The following RRM2 variants were observed in gnomAD, a reference collection of about 807,000 sequenced individuals.
RRM2 encodes the protein ribonucleotide reductase regulatory subunit M2.
A neutral mutation model predicts 45.9 loss-of-function variants in RRM2; 6 were observed. The ratio of observed to expected loss-of-function variants is 0.13; its 90% CI spans 0.07 to 0.26. The LOEUF (loss-of-function observed/expected upper bound fraction) is 0.26, where lower values mean the gene tolerates loss of function less well. RRM2 is among the 10% of genes least tolerant of loss of function. RRM2 has a pLI of 1.00. For missense variants in RRM2, 343 were observed against 489.5 expected (o/e 0.70, Z 2.82); for synonymous variants, 177 against 173.0 (o/e 1.02, Z -0.18).
At chr2:10,194,658 G>A (rs1462912866) in intron 3 of RRM2, among the ~76,000 whole-genome samples, 1 of 152,264 alleles carries the variant, frequency 6.6e-6, no homozygotes, top group Non-Finnish European at 1.5e-5. Context: ...TCTGGCCCAA[G>A]TTAGCACTTG....
chr2:10,122,723 G>T (rs369899813), upstream of RRM2: 29 of 1,551,416 alleles, frequency 1.9e-5, no homozygotes, highest in Middle Eastern at 1.7e-4. Context: ...AAGGCTGCTG[G>T]AGTGAGGGGT....
chr2:10,186,319 T>A (rs1409797839), intron 3 of RRM2, among the ~76,000 whole-genome samples: 2 of 151,658 alleles, frequency 1.3e-5, no homozygotes, highest in Non-Finnish European at 2.9e-5. Flanking sequence ...AGCTAATTTT[T>A]TTTTTTTTTG....
intron 3 of RRM2, among the ~76,000 whole-genome samples, chr2:10,191,260 C>G (rs1415910006): frequency 6.6e-6 from 1 of 152,226 alleles, no homozygotes. Context: ...CTTGGGGCAG[C>G]GTGGCCTTGG....
intron 3 of RRM2, among the ~76,000 whole-genome samples, chr2:10,168,099 A>G (rs1663720715): frequency 7.0e-6 from 1 of 142,268 alleles, no homozygotes; most frequent in Non-Finnish European, 1.5e-5. Context: ...GAGCCCCCTC[A>G]TTCCTGGTGT....
chr2:10,199,743 G>A (rs1312902120), intron 3 of RRM2, among the ~76,000 whole-genome samples: 1 of 122,176 alleles, frequency 8.2e-6, no homozygotes, highest in Non-Finnish European at 1.6e-5. Flanking sequence ...TCGTGCCACT[G>A]CACTCCAGTC....
Position 10,195,674 on chromosome 2 carries a change from C to G in RRM2, n.483-14637C>G, listed in dbSNP as rs527332568. On this transcript the variant is annotated intron_variant and non_coding_transcript_variant, in intron 3 of 3. Coordinates refer to the RRM2 transcript ENST00000381786. This position sits in a 1 kb window ranked among gnomAD's most constrained non-coding sequence, Gnocchi z 4.9. ...CCATGTGGCAGACCTGTGAGTTGGTCCCCGACAGCCTCCTGCCTTTCTCCC... is the reference window on the plus strand; with the variant it reads ...CCATGTGGCAGACCTGTGAGTTGGTGCCCGACAGCCTCCTGCCTTTCTCCC... Among the ~76,000 whole-genome samples the G allele has an allele frequency of 1.2e-4, 19 of 152,230 alleles. No individual in the cohort carries two copies. The highest frequency in any genetic ancestry group is 2.4e-4 in the Non-Finnish European group (16 of 68,000).
chr2:10,149,695 T>C lies in RRM2; in HGVS notation n.482+7320T>C, dbSNP rs576844964. ...TTTGTGTGGGAGAAGAAGCGAGGAC[T>C]ACACCCAGTGCCATGTGCAGTTGTA... On this transcript the variant is annotated intron_variant and non_coding_transcript_variant, in intron 3 of 3. Coordinates refer to the RRM2 transcript ENST00000381786. Among the ~76,000 whole-genome samples, 111 of 152,338 alleles carry C rather than the reference T, an allele frequency of 7.3e-4. No individual in the cohort carries two copies. The Middle Eastern group carries it at 0.031, about 42-fold the overall frequency.
At chr2:10,203,495 A>T (rs1238327573) in intron 3 of RRM2, among the ~76,000 whole-genome samples, 1 of 152,208 alleles carries the variant, frequency 6.6e-6, no homozygotes, top group African/African-American at 2.4e-5. Context: ...TCACGCCTGT[A>T]ATCCCAGCAC....
intron 3 of RRM2, among the ~76,000 whole-genome samples, chr2:10,181,754 C>CT (rs869117515): frequency 0.036 from 2,049 of 57,156 alleles, 260 homozygotes; most frequent in Non-Finnish European, 0.046. Flanking sequence ...CTCTCTCTCT[C>CT]TTTTTTTTTT....
chr2:10,123,303 C>G (rs1390264242), intron 2 of RRM2, 84 bp from the exon 3 acceptor site: 3 of 1,484,272 alleles, frequency 2.0e-6, no homozygotes, highest in Non-Finnish European at 2.7e-6. Flanking sequence ...GAAATTGCCG[C>G]CAATGGAAAG....
chr2:10,139,867 C>A (rs185766100), upstream of RRM2, among the ~76,000 whole-genome samples: 4 of 152,340 alleles, frequency 2.6e-5, no homozygotes, highest in East Asian at 7.7e-4. Context: ...CCAATGTTAA[C>A]GGAGCAGGGG....
chr2:10,210,175 C>T (rs148944631), intron 3 of RRM2: 2 of 438,568 alleles, frequency 4.6e-6, no homozygotes, highest in African/African-American at 4.1e-5. Context: ...TCATGGACTC[C>T]CACCTCCTTG....
chr2:10,171,149 C>G lies in RRM2; in HGVS notation n.482+28774C>G, dbSNP rs1235789351. Among the ~76,000 whole-genome samples the G allele has an allele frequency of 6.6e-6, 1 of 152,242 alleles. No homozygotes were observed. Among genetic ancestry groups the G allele is most frequent in the Non-Finnish European group, 1.5e-5 (1 of 68,038 alleles). Reference sequence around the variant, plus strand: ...GCCTGCACAGACCCCAGGCATCGAGCCTGCGATGGGGCAACGTGTGGTGTG... The same window carrying G: ...GCCTGCACAGACCCCAGGCATCGAGGCTGCGATGGGGCAACGTGTGGTGTG... On this transcript the variant is annotated intron_variant and non_coding_transcript_variant, in intron 3 of 3. Transcript: ENST00000381786. This position sits in a 1 kb window ranked among gnomAD's most constrained non-coding sequence, Gnocchi z 4.1.
chr2:10,198,569 A>AT (rs1324092625), intron 3 of RRM2: 2 of 151,986 alleles, frequency 1.3e-5, no homozygotes, highest in Non-Finnish European at 2.9e-5. Flanking sequence ...TGCCTGGCTA[A>AT]TTTTTTGTAT....
rs920889982 is a variant in RRM2 at position 10,195,160 on chromosome 2, C to G, written n.483-15151C>G. Among the ~76,000 whole-genome samples, 2 of 151,996 alleles carry G rather than the reference C, an allele frequency of 1.3e-5. No individual in the cohort carries two copies. Among genetic ancestry groups the G allele is most frequent in the Non-Finnish European group, 2.9e-5 (2 of 68,002 alleles). ...GTGGTCTGAGCTCCTGGGGAGCTACCGAGGGCAACAGGCATGTTCTGGAAG... is the reference window on the plus strand; with the variant it reads ...GTGGTCTGAGCTCCTGGGGAGCTACGGAGGGCAACAGGCATGTTCTGGAAG... On this transcript the variant is annotated intron_variant and non_coding_transcript_variant, in intron 3 of 3. Transcript: ENST00000381786. The surrounding 1 kb of genome is among the most constrained non-coding windows in gnomAD (Gnocchi z 4.9).
intron 3 of RRM2, among the ~76,000 whole-genome samples, chr2:10,178,012 C>T (rs1217869580): frequency 2.6e-5 from 4 of 151,772 alleles, no homozygotes; most frequent in African/African-American, 4.8e-5. Context: ...AGCTCCGCCT[C>T]CCAGGTTCAC....
intron 3 of RRM2, among the ~76,000 whole-genome samples, chr2:10,164,268 G>A (rs1663634287): frequency 6.6e-6 from 1 of 152,142 alleles, no homozygotes; most frequent in African/African-American, 2.4e-5. Flanking sequence ...CTGCATCTGG[G>A]CTCCACCTCA....
intron 3 of RRM2, among the ~76,000 whole-genome samples, chr2:10,157,216 G>C (rs939970157): frequency 2.2e-4 from 33 of 152,170 alleles, no homozygotes; most frequent in Non-Finnish European, 1.9e-4. Flanking sequence ...TTTTAGTAGA[G>C]ACGGGGTTTC....
intron 3 of RRM2, among the ~76,000 whole-genome samples, chr2:10,208,782 G>A (rs1193546931): frequency 6.6e-6 from 1 of 152,140 alleles, no homozygotes. Context: ...CCCTCCTGAT[G>A]TGAGCCTATC....
Sources: gnomAD v4.1 joint callset for allele counts (sites outside exome capture counted in the v4.1 genomes callset) on GRCh38, gnomAD v4.1.1 for gene constraint, Gnocchi (gnomAD v3.1) non-coding constraint, MANE v1.5 for transcripts, NCBI Gene and HGNC (gene_info 2026-07-23, HGNC 2026-07-21) for gene names.